EPM2A: variants seen among roughly 807,000 people sequenced by gnomAD.
EPM2A encodes the protein EPM2A glucan phosphatase, laforin, also known as laforin.
In EPM2A, 21 loss-of-function variants were observed where a neutral mutation model predicts 26.5. The ratio of observed to expected loss-of-function variants is 0.79; its 90% confidence interval spans 0.56 to 1.14. The LOEUF (loss-of-function observed/expected upper bound fraction) is 1.14, where lower values mean the gene tolerates loss of function less well. Ranked by LOEUF, EPM2A falls within the 50% of genes most tolerant of loss-of-function variation. The pLI, the probability that EPM2A is intolerant of heterozygous loss-of-function variation, is 0.00. For missense variants in EPM2A, 458 were observed against 440.8 expected (o/e 1.04, Z -0.35); for synonymous variants, 217 against 177.6 (o/e 1.22, Z -1.76).
chr6:145,414,069 G>A (rs186343305), intron 4 of EPM2A, among the ~76,000 whole-genome samples: 343 of 152,228 alleles, frequency 2.3e-3, no homozygotes, highest in Non-Finnish European at 4.5e-3. Context: ...TAAGCTTGAC[G>A]CTGCTGGATT....
chr6:145,558,722 TGATCAGAATTTA>T (rs1780765794), intron 2 of EPM2A, among the ~76,000 whole-genome samples: 1 of 150,536 alleles, frequency 6.6e-6, no homozygotes, highest in South Asian at 2.1e-4. Context: ...TGCCAATTTT[TGATCAGAATTTA>T]GACTTTAATA....
chr6:145,667,045 T>A (rs1286637406), intron 2 of EPM2A, among the ~76,000 whole-genome samples: 1 of 129,480 alleles, frequency 7.7e-6, no homozygotes, highest in Non-Finnish European at 1.6e-5. Context: ...ATGTTAGACC[T>A]AAAACCATAA....
chr6:145,538,841 G>A (rs377613788), intron 2 of EPM2A, among the ~76,000 whole-genome samples: 1 of 152,254 alleles, frequency 6.6e-6, no homozygotes. Flanking sequence ...CAATCATATG[G>A]CACATACATT....
intron 2 of EPM2A, among the ~76,000 whole-genome samples, chr6:145,560,474 C>A (rs1284140117): frequency 6.6e-6 from 1 of 152,122 alleles, no homozygotes; most frequent in Non-Finnish European, 1.5e-5. Flanking sequence ...TCTGTTTTCA[C>A]AGCACAAAAG....
intron 4 of EPM2A, among the ~76,000 whole-genome samples, chr6:145,389,426 G>A (rs923748288): frequency 6.6e-6 from 1 of 151,864 alleles, no homozygotes; most frequent in Non-Finnish European, 1.5e-5. Context: ...TCCTGACATC[G>A]GGTGATCTGC....
At chr6:145,679,396 C>T (rs1360986048) in intron 2 of EPM2A, among the ~76,000 whole-genome samples, 1 of 150,584 alleles carries the variant, frequency 6.6e-6, no homozygotes, top group African/African-American at 2.4e-5. Context: ...TACCCTAGAA[C>T]TTAAAGTATA....
At chr6:145,539,946 G>A (rs1290991879) in intron 2 of EPM2A, among the ~76,000 whole-genome samples, 1 of 152,126 alleles carries the variant, frequency 6.6e-6, no homozygotes, top group Non-Finnish European at 1.5e-5. Context: ...CAGGGCCAGG[G>A]ATTAGGCAAC....
intron 2 of EPM2A, among the ~76,000 whole-genome samples, chr6:145,670,619 C>T (rs531840384): frequency 2.0e-5 from 3 of 152,212 alleles, no homozygotes; most frequent in African/African-American, 4.8e-5. Flanking sequence ...AATTAAGGGA[C>T]TATGCTTGCA....
chr6:145,518,172 TA>T (rs1229894115), intron 2 of EPM2A, among the ~76,000 whole-genome samples: 3 of 152,198 alleles, frequency 2.0e-5, no homozygotes, highest in Admixed American at 1.3e-4. Context: ...TGCCTACATA[TA>T]ATGAACCATA....
chr6:145,505,523 G>A (rs1296695985), intron 2 of EPM2A, among the ~76,000 whole-genome samples: 4 of 145,198 alleles, frequency 2.8e-5, no homozygotes, highest in African/African-American at 1.0e-4. Context: ...TTAAAATTAA[G>A]ATGTTAACAA....
At chr6:145,415,460 A>G (rs1378119218) in intron 4 of EPM2A, among the ~76,000 whole-genome samples, 3 of 152,180 alleles carry the variant, frequency 2.0e-5, no homozygotes, top group Non-Finnish European at 4.4e-5. Context: ...CACATAGGAT[A>G]GCCTTTGAAT....
chr6:145,578,730 A>G (rs147802152), intron 2 of EPM2A, among the ~76,000 whole-genome samples: 63 of 152,288 alleles, frequency 4.1e-4, no homozygotes, highest in African/African-American at 1.5e-3. Flanking sequence ...AATAAACTGT[A>G]TATATTGAAA....
intron 4 of EPM2A, among the ~76,000 whole-genome samples, chr6:145,482,894 A>C (rs899638515): frequency 6.6e-6 from 1 of 151,308 alleles, no homozygotes; most frequent in East Asian, 1.9e-4. Context: ...CTTAAAGAAC[A>C]GCTTCAAGGG....
chr6:145,637,016 C>A (rs1300073444), intron 2 of EPM2A: 1 of 151,770 alleles, frequency 6.6e-6, no homozygotes, highest in East Asian at 1.9e-4. Context: ...CAACTCTAAC[C>A]TGTTGGTGTA....
intron 2 of EPM2A, among the ~76,000 whole-genome samples, chr6:145,578,673 G>A (rs1781069997): frequency 6.6e-6 from 1 of 152,112 alleles, no homozygotes; most frequent in Admixed American, 6.5e-5. Context: ...GAAGTAAATA[G>A]CTATCCTTTT....
intron 4 of EPM2A, among the ~76,000 whole-genome samples, chr6:145,426,080 G>A (rs913870006): frequency 1.3e-5 from 2 of 152,210 alleles, no homozygotes; most frequent in African/African-American, 4.8e-5. Flanking sequence ...AGTGCTATAA[G>A]TTATTTCCAA....
chr6:145,528,348 G>T (rs1041503438), intron 2 of EPM2A, among the ~76,000 whole-genome samples: 2 of 152,138 alleles, frequency 1.3e-5, no homozygotes, highest in African/African-American at 4.8e-5. Context: ...TAGCTGGAGA[G>T]GACAGGTCAA....
chr6:145,532,709 G>A (rs1780375442), intron 2 of EPM2A, among the ~76,000 whole-genome samples: 1 of 152,128 alleles, frequency 6.6e-6, no homozygotes, highest in African/African-American at 2.4e-5. Context: ...TTCATCTGTT[G>A]TTGGGTCAGG....
chr6:145,443,634 A>G (rs1779095405), intron 4 of EPM2A, among the ~76,000 whole-genome samples: 1 of 152,128 alleles, frequency 6.6e-6, no homozygotes, highest in African/African-American at 2.4e-5. Flanking sequence ...TTTGGGGCCG[A>G]GACTATGGGG....
Sources: gnomAD v4.1 joint callset for allele counts (sites outside exome capture counted in the v4.1 genomes callset) on GRCh38, gnomAD v4.1.1 for gene constraint, MANE v1.5 for transcripts, NCBI Gene and HGNC (gene_info 2026-07-23, HGNC 2026-07-21) for gene names.